Variants in TCAF1 observed in about 807,000 individuals in gnomAD.
TCAF1 encodes the protein TRPM8 channel associated factor 1.
TCAF1 carries 4 observed loss-of-function variants against 27.3 expected under a neutral mutation model. The observed-to-expected ratio is 0.15, with a 90% CI of 0.07 to 0.34. The LOEUF is 0.34. TCAF1 is among the 10% of genes least tolerant of loss of function. The probability of loss-of-function intolerance (pLI) is 1.00; values close to 1 mark genes in which losing one functional copy is unlikely to be tolerated. For missense variants in TCAF1, 257 were observed against 425.8 expected (o/e 0.60, Z 3.49); for synonymous variants, 105 against 167.1 (o/e 0.63, Z 2.87).
At chr7:143,883,039 T>C (rs895671680) in intron 1 of TCAF1, 2 of 189,068 alleles carry the variant, frequency 1.1e-5, no homozygotes, top group Non-Finnish European at 2.0e-5. Context: ...GGAGACCCCA[T>C]CCTGGCAGTG....
intron 1 of TCAF1, among the ~76,000 whole-genome samples, chr7:143,882,264 G>C (rs948963140): frequency 6.6e-6 from 1 of 151,870 alleles, no homozygotes. Context: ...GTGGGAGATA[G>C]AGCTCAGTCC....
At chr7:143,898,045 T>C (rs1180014134) in intron 1 of TCAF1, among the ~76,000 whole-genome samples, 1 of 152,092 alleles carries the variant, frequency 6.6e-6, no homozygotes, top group Non-Finnish European at 1.5e-5. Flanking sequence ...ACAAAATTGG[T>C]TTAATATCAG....
At chr7:143,860,013 ATATATAT>A (rs1563212118) in intron 6 of TCAF1, among the ~76,000 whole-genome samples, 188 bp downstream of exon 6, 3 of 18,420 alleles carry the variant, frequency 1.6e-4, no homozygotes, top group African/African-American at 3.8e-4. Context: ...TATATATATA[ATATATAT>A]TATATATTAT....
chr7:143,859,973 AAT>A (rs1171921692), intron 6 of TCAF1, among the ~76,000 whole-genome samples: 198 of 14,610 alleles, frequency 0.014, 38 homozygotes, highest in Non-Finnish European at 0.027. Flanking sequence ...TATATTATAT[AAT>A]ATATATTATA....
intron 1 of TCAF1, chr7:143,882,497 G>A (rs1283785443): frequency 5.1e-6 from 5 of 985,370 alleles, no homozygotes; most frequent in South Asian, 4.7e-5. Context: ...GAGCAATGCG[G>A]CAGGGGGATG....
intron 2 of TCAF1, 102 bp downstream of exon 2, chr7:143,875,887 G>A: frequency 9.7e-7 from 1 of 1,033,442 alleles, no homozygotes; most frequent in Non-Finnish European, 1.4e-6. Flanking sequence ...ATATCTGAGT[G>A]CCTGGGAGCA....
intron 1 of TCAF1, among the ~76,000 whole-genome samples, chr7:143,879,791 T>C (rs942098025): frequency 3.3e-5 from 5 of 152,062 alleles, no homozygotes; most frequent in African/African-American, 9.7e-5. Flanking sequence ...AGATACCCCA[T>C]TGTACCCAGC....
intron 1 of TCAF1, chr7:143,885,291 C>T (rs1813338428): frequency 3.0e-6 from 3 of 985,396 alleles, no homozygotes; most frequent in Non-Finnish European, 3.6e-6. Flanking sequence ...CTGGGGCAGA[C>T]GCCTTGGGAA....
At position 143,876,324 on chromosome 7, in the gene TCAF1, G is replaced by A. The variant is rs1812705865; in HGVS notation, c.285C>T (p.His95=). The change falls in exon 2 of 9, where the codon CAC becomes CAT. Residue 95 remains histidine, a synonymous_variant. Transcript: ENST00000479870. ...TTTTGGCCAAAGGTGCCAGGGATGG[G>A]TGTACACCAATGGGAGCCCCAGGGG... ...CSSPGAPIGV[H]PSLAPLAKIL... 7 of 1,614,206 alleles carry A rather than the reference G, an allele frequency of 4.3e-6. No homozygotes were observed. Among genetic ancestry groups the A allele is most frequent in the African/African-American group, 1.3e-5 (1 of 75,054 alleles).
chr7:143,885,703 T>C (rs1813367968), intron 1 of TCAF1, among the ~76,000 whole-genome samples: 1 of 151,950 alleles, frequency 6.6e-6, no homozygotes, highest in African/African-American at 2.4e-5. Flanking sequence ...TTATATATTA[T>C]TTTTAAAATA....
chr7:143,852,426 A>T lies in TCAF1; in HGVS notation c.*1707T>A, dbSNP rs1811349328. On this transcript the variant is annotated 3_prime_UTR_variant, in exon 9 of 9. Transcript: ENST00000479870. ...TAAGGTCCACTGTTTTATGGATCCC[A>T]TTTCTTCTTCTTTCCTGGTTTTCAT... is the stretch of plus-strand genomic sequence containing the variant. 6.6e-6 allele frequency: 1 copy of T among 152,450 alleles called. No homozygotes were observed. The highest frequency in any genetic ancestry group is 2.4e-5 in the African/African-American group (1 of 41,378). The allele number at this position is 152,450 out of a possible 1,614,324, so 9.4% of individuals were successfully genotyped here.
At chr7:143,859,915 G>GTAATATATATTATATAATATATATTAT (rs1811821574) in intron 6 of TCAF1, among the ~76,000 whole-genome samples, 1 of 32,310 alleles carries the variant, frequency 3.1e-5, no homozygotes, top group African/African-American at 1.6e-4. Flanking sequence ...TATATATTAC[G>GTAATATATATTATATAATATATATTAT]GAATATATAT....
chr7:143,859,758 G>A (rs1210253120), intron 6 of TCAF1, among the ~76,000 whole-genome samples: 11 of 149,202 alleles, frequency 7.4e-5, no homozygotes, highest in Non-Finnish European at 1.2e-4. Context: ...CCTAGGTCAC[G>A]GCCCTCTGCC....
chr7:143,880,013 C>T (rs563131531), intron 1 of TCAF1, among the ~76,000 whole-genome samples: 24 of 152,246 alleles, frequency 1.6e-4, no homozygotes, highest in African/African-American at 5.1e-4. Context: ...GAAGAATGTC[C>T]TAGATACATT....
In TCAF1 at chr7:143,885,691, A is replaced by T. The variant is rs28733960; in HGVS notation, c.-14-9069T>A. ...ACTTATATATTGCCTCTATCTATAT[A>T]TTTATATATTATTTTTAAAATAAAC... On this transcript the variant is annotated intron_variant, in intron 1 of 8. Transcript: ENST00000479870. The T allele has an allele frequency of 5.8e-3, 2,234 of 386,784 alleles. 49 individuals carry two copies. The highest frequency in any genetic ancestry group is 0.045 in the African/African-American group (2,072 of 45,662). 24.0% of individuals were successfully genotyped at this position (386,784 alleles called of 1,614,324 possible). A position where few individuals can be genotyped will look rare whatever the true frequency, so the allele number is the denominator to read the frequency against.
At chr7:143,859,957 G>A (rs1203491702) in intron 6 of TCAF1, among the ~76,000 whole-genome samples, 8,092 of 16,706 alleles carry the variant, frequency 0.48, 1,445 homozygotes, top group South Asian at 0.56. Context: ...TATATATTAC[G>A]GAATATATAT....
At chr7:143,896,442 A>G (rs560168570) in intron 1 of TCAF1, among the ~76,000 whole-genome samples, 1 of 152,206 alleles carries the variant, frequency 6.6e-6, no homozygotes, top group South Asian at 2.1e-4. Context: ...AAGCAAATAA[A>G]AAGTTAAAGA....
intron 1 of TCAF1, among the ~76,000 whole-genome samples, chr7:143,893,971 T>G (rs1281961694): frequency 1.3e-5 from 2 of 151,788 alleles, no homozygotes; most frequent in African/African-American, 4.8e-5. Flanking sequence ...TTGGTTTTAA[T>G]GAACCAAACT....
chr7:143,882,172 G>A (rs570314776), intron 1 of TCAF1: 14 of 141,976 alleles, frequency 9.9e-5, no homozygotes, highest in African/African-American at 3.7e-4. Flanking sequence ...CAGGGAGGAG[G>A]GGAGCTCCTC....
Sources: allele counts gnomAD v4.1 joint callset (sites outside exome capture counted in the v4.1 genomes callset), GRCh38; gene constraint gnomAD v4.1.1; transcripts MANE v1.5; gene names NCBI Gene and HGNC (gene_info 2026-07-23, HGNC 2026-07-21).